Variants in STK38L observed in about 807,000 individuals in gnomAD.
STK38L encodes serine/threonine kinase 38 like.
Under a neutral mutation model 59.7 loss-of-function variants are expected in STK38L, and 28 were observed. That is an observed-to-expected ratio of 0.47 (90% CI 0.35 to 0.64). STK38L has a LOEUF of 0.64. STK38L is among the 30% of genes least tolerant of loss of function. The pLI, the probability that STK38L is intolerant of heterozygous loss-of-function variation, is 0.01. For synonymous variants in STK38L, 162 were observed against 176.8 expected (o/e 0.92, Z 0.66); for missense variants, 314 against 555.8 (o/e 0.56, Z 4.37).
intron 1 of STK38L, among the ~76,000 whole-genome samples, chr12:27,283,140 T>C (rs1346466953): frequency 6.6e-6 from 1 of 152,240 alleles, no homozygotes; most frequent in Non-Finnish European, 1.5e-5. Context: ...TGTATTAATA[T>C]TGAAAAGTGT....
chr12:27,316,807 CGTTTATT>C (rs1454263429), intron 9 of STK38L, among the ~76,000 whole-genome samples: 5 of 152,030 alleles, frequency 3.3e-5, no homozygotes, highest in African/African-American at 4.8e-5. Flanking sequence ...AAACACATGC[CGTTTATT>C]GTTTCATCTT....
intron 1 of STK38L, among the ~76,000 whole-genome samples, chr12:27,269,921 G>GCT (rs1256995087): frequency 1.3e-5 from 2 of 152,180 alleles, no homozygotes; most frequent in Non-Finnish European, 2.9e-5. Flanking sequence ...GAGATTACAG[G>GCT]CATGAGCAGC....
chr12:27,280,060 G>A (rs1943620775), intron 1 of STK38L, among the ~76,000 whole-genome samples: 1 of 152,094 alleles, frequency 6.6e-6, no homozygotes, highest in Non-Finnish European at 1.5e-5. Flanking sequence ...CTTTAGTACT[G>A]TAGCTAACAC....
At chr12:27,280,347 C>G (rs1943627463) in intron 1 of STK38L, among the ~76,000 whole-genome samples, 1 of 152,100 alleles carries the variant, frequency 6.6e-6, no homozygotes, top group Non-Finnish European at 1.5e-5. Context: ...AGAAATTGAG[C>G]AAGTTACTTG....
chr12:27,253,757 C>T lies in STK38L; in HGVS notation c.-12+9425C>T, dbSNP rs540318524. On this transcript the variant is annotated intron_variant, in intron 1 of 13. Transcript: ENST00000389032. ...GTGTTTCAGGCCGAGAAGCCTCAGG[C>T]GGGTATTATCACATAGTGATGTAAG... is the stretch of plus-strand genomic sequence containing the variant. 2.6e-5 allele frequency among the ~76,000 whole-genome samples: 4 copies of T among 152,222 alleles called. No homozygotes were observed. In the East Asian group the frequency reaches 5.8e-4, roughly 22 times the overall value.
intron 6 of STK38L, among the ~76,000 whole-genome samples, chr12:27,313,009 G>C (rs1476981165): frequency 6.6e-6 from 1 of 152,198 alleles, no homozygotes; most frequent in East Asian, 1.9e-4. Flanking sequence ...AGCACTTTGG[G>C]AGGCCGAGGC....
At chr12:27,266,814 T>C (rs1943310795) in intron 1 of STK38L, among the ~76,000 whole-genome samples, 1 of 152,182 alleles carries the variant, frequency 6.6e-6, no homozygotes, top group Non-Finnish European at 1.5e-5. Context: ...AGAAGAAGCA[T>C]GGTGTTAACT....
At chr12:27,249,450 G>A (rs951920752) in intron 1 of STK38L, among the ~76,000 whole-genome samples, 2 of 152,142 alleles carry the variant, frequency 1.3e-5, no homozygotes, top group Non-Finnish European at 2.9e-5. Context: ...TGATTCTCTT[G>A]CCTCAGCCTC....
At chr12:27,263,739 G>A (rs1943249003) in intron 1 of STK38L, among the ~76,000 whole-genome samples, 1 of 152,198 alleles carries the variant, frequency 6.6e-6, no homozygotes, top group African/African-American at 2.4e-5. Context: ...GCATCATTCT[G>A]AGTACTTTGG....
intron 7 of STK38L, 73 bp from the exon 8 acceptor site, chr12:27,314,942 A>T (rs1489400122): frequency 2.6e-6 from 3 of 1,141,062 alleles, no homozygotes; most frequent in Non-Finnish European, 3.7e-6. Context: ...ATTGCCATTT[A>T]ATAGAGGAGT....
chr12:27,280,196 A>G (rs1292345751), intron 1 of STK38L, among the ~76,000 whole-genome samples: 2 of 152,208 alleles, frequency 1.3e-5, no homozygotes, highest in Non-Finnish European at 2.9e-5. Flanking sequence ...CAGAAAGGCA[A>G]TGTTATTTTC....
chr12:27,303,605 A>T (rs1944233747), intron 3 of STK38L, among the ~76,000 whole-genome samples: 1 of 152,176 alleles, frequency 6.6e-6, no homozygotes, highest in African/African-American at 2.4e-5. Flanking sequence ...GTTTTAGATT[A>T]GGAGAGGGAG....
At position 27,308,525 on chromosome 12, in the gene STK38L, T is replaced by C. The variant is rs1944370621; in HGVS notation, c.309+64T>C. On this transcript the variant is annotated intron_variant, in intron 4 of 13. Coordinates refer to ENST00000389032, the MANE Select transcript of STK38L (RefSeq NM_015000.4). This position sits in a 1 kb window ranked among gnomAD's most constrained non-coding sequence, Gnocchi z 4.5. ...ATATCTTAAGATAATTTAAAATATG[T>C]GTTAAAATATAATTCCTGGCTGGGT... is the stretch of plus-strand genomic sequence containing the variant. The C allele has an allele frequency of 1.4e-6, 2 of 1,390,432 alleles. No homozygotes were observed. Among genetic ancestry groups the C allele is most frequent in the Non-Finnish European group, 1.9e-6 (2 of 1,057,886 alleles). 86.1% of individuals were successfully genotyped at this position (1,390,432 alleles called of 1,614,324 possible). A position where few individuals can be genotyped will look rare whatever the true frequency, so the allele number is the denominator to read the frequency against.
chr12:27,285,310 C>T (rs1211677602), intron 1 of STK38L, among the ~76,000 whole-genome samples: 1 of 152,100 alleles, frequency 6.6e-6, no homozygotes, highest in East Asian at 1.9e-4. Context: ...CAACTCTCTC[C>T]TGAAGCTGTT....
intron 1 of STK38L, among the ~76,000 whole-genome samples, chr12:27,279,462 C>G (rs991198664): frequency 6.6e-6 from 1 of 151,990 alleles, no homozygotes; most frequent in Non-Finnish European, 1.5e-5. Flanking sequence ...TGGTGGCTCA[C>G]GCCTGTAATC....
intron 12 of STK38L, 83 bp downstream of exon 12, chr12:27,319,506 T>A: frequency 3.4e-6 from 3 of 890,792 alleles, no homozygotes; most frequent in Non-Finnish European, 5.4e-6. Flanking sequence ...CTGATTCTGC[T>A]AGATTAAATA....
chr12:27,307,009 G>A (rs1343761154), intron 3 of STK38L, among the ~76,000 whole-genome samples: 2 of 152,082 alleles, frequency 1.3e-5, no homozygotes, highest in Admixed American at 6.5e-5. Flanking sequence ...GATTATAGGC[G>A]TGAGCCACCA....
intron 2 of STK38L, among the ~76,000 whole-genome samples, chr12:27,300,808 G>A (rs1198779618): frequency 1.3e-5 from 2 of 152,178 alleles, no homozygotes; most frequent in Admixed American, 6.5e-5. Context: ...GTATCAACAG[G>A]CTTTAAATGT....
intron 1 of STK38L, among the ~76,000 whole-genome samples, chr12:27,265,969 TGAAGA>T (rs1278320335): frequency 6.6e-6 from 1 of 152,204 alleles, no homozygotes; most frequent in Non-Finnish European, 1.5e-5. Context: ...AAGAGCCCTC[TGAAGA>T]GAAAAGTCTG....
Sources: allele counts gnomAD v4.1 joint callset (sites outside exome capture counted in the v4.1 genomes callset), GRCh38; gene constraint gnomAD v4.1.1; non-coding constraint Gnocchi (gnomAD v3.1); transcripts MANE v1.5; gene names NCBI Gene and HGNC (gene_info 2026-07-23, HGNC 2026-07-21).